The following RALGPS1 variants were observed in gnomAD, a reference collection of about 807,000 sequenced individuals.
The protein encoded by RALGPS1 is ras-specific guanine nucleotide-releasing factor RalGPS1.
Under a neutral mutation model 78.8 loss-of-function variants are expected in RALGPS1, and 19 were observed. That is an observed-to-expected ratio of 0.24 (90% CI 0.17 to 0.35). The LOEUF (loss-of-function observed/expected upper bound fraction) is 0.35, where lower values mean the gene tolerates loss of function less well. Among genes scored for constraint, RALGPS1 ranks in the 10% least tolerant of loss-of-function variants. RALGPS1 has a pLI of 1.00. For synonymous variants in RALGPS1, 228 were observed against 256.3 expected (o/e 0.89, Z 1.06); for missense variants, 454 against 688.3 (o/e 0.66, Z 3.81).
chr9:127,002,716 G>A (rs1345628931), intron 4 of RALGPS1, among the ~76,000 whole-genome samples: 6 of 150,750 alleles, frequency 4.0e-5, no homozygotes, highest in African/African-American at 1.2e-4. Context: ...TTGTTCTTGC[G>A]ATAGTTTACT....
intron 4 of RALGPS1, among the ~76,000 whole-genome samples, chr9:126,983,432 A>T (rs1005259741): frequency 6.6e-6 from 1 of 152,194 alleles, no homozygotes; most frequent in Middle Eastern, 3.2e-3. Flanking sequence ...CAAATGCCTA[A>T]CATCCTATTA....
At chr9:127,125,503 T>C (rs1021448969) in intron 8 of RALGPS1, among the ~76,000 whole-genome samples, 3 of 152,212 alleles carry the variant, frequency 2.0e-5, no homozygotes. Flanking sequence ...CTCCCAGGGT[T>C]ACTGTGAGGA....
At chr9:126,951,977 G>A (rs2037866842) in intron 1 of RALGPS1, among the ~76,000 whole-genome samples, 1 of 152,160 alleles carries the variant, frequency 6.6e-6, no homozygotes. Context: ...CAAAGTCTCA[G>A]GATACAAAAT....
Position 127,214,786 on chromosome 9 carries a change from C to A in RALGPS1, c.1588C>A (p.His530Asn). 1 of 1,610,926 alleles carries A rather than the reference C, an allele frequency of 6.2e-7. No homozygotes were observed. Among genetic ancestry groups the A allele is most frequent in the Non-Finnish European group, 8.5e-7 (1 of 1,178,916 alleles). ...VYKFQTGSRFHAILWHKHLDD... is the reference protein window; with the variant it reads ...VYKFQTGSRFNAILWHKHLDD... ...CAAGTTTCAGACTGGTTCCCGATTT[C>A]ATGCAATACTGTGGCACAAGCATTT... Residue 530 changes from histidine (H) to asparagine (N), a missense_variant, in exon 18 of 19, where the codon CAT becomes AAT. Physicochemically the swap from His to Asn is moderately conservative, Grantham distance 68 (BLOSUM62 1). Transcript: ENST00000259351.
chr9:127,184,178 A>C, intron 11 of RALGPS1: 1 of 889,422 alleles, frequency 1.1e-6, no homozygotes, highest in Non-Finnish European at 1.7e-6. Flanking sequence ...TATATAAATG[A>C]TCTGGGCATG....
At chr9:127,093,948 TA>T (rs1388446715) in intron 8 of RALGPS1, 1 of 1,610,410 alleles carries the variant, frequency 6.2e-7, no homozygotes, top group Admixed American at 1.7e-5. Flanking sequence ...GACATGCATA[TA>T]CATCACAGAC....
At chr9:126,937,868 C>T (rs1451077893) in intron 1 of RALGPS1, among the ~76,000 whole-genome samples, 1 of 152,154 alleles carries the variant, frequency 6.6e-6, no homozygotes, top group Non-Finnish European at 1.5e-5. Context: ...AACTTGGCCT[C>T]AAAAGATAAT....
At chr9:127,197,235 T>C (rs1243743824) in intron 13 of RALGPS1, among the ~76,000 whole-genome samples, 1 of 152,156 alleles carries the variant, frequency 6.6e-6, no homozygotes, top group African/African-American at 2.4e-5. Context: ...GGACTCAGGC[T>C]GGTGTTGAGC....
rs2033940015 is a variant in RALGPS1 at position 126,914,868 on chromosome 9, C to G, written c.-173C>G. 5.3e-5 allele frequency: 8 copies of G among 152,144 alleles called. No individual in the cohort carries two copies. The highest frequency in any genetic ancestry group is 5.2e-4 in the Admixed American group (8 of 15,242). The allele number at this position is 152,144 out of a possible 1,614,324, so 9.4% of individuals were successfully genotyped here. The stretch of plus-strand genomic sequence containing the variant: ...GCGCTCCAGCTGCGCCTGGCCCGGC[C>G]CCGGCCCGGCTCGGCGTGGCCCCGG... On this transcript the variant is annotated 5_prime_UTR_variant, in exon 1 of 19. Coordinates refer to ENST00000259351, the MANE Select transcript of RALGPS1 (RefSeq NM_014636.3).
chr9:127,169,441 A>T (rs1276590299), intron 10 of RALGPS1, among the ~76,000 whole-genome samples: 1 of 152,032 alleles, frequency 6.6e-6, no homozygotes, highest in African/African-American at 2.4e-5. Flanking sequence ...ATTTCTATGT[A>T]TTTGGAGGGA....
intron 1 of RALGPS1, among the ~76,000 whole-genome samples, chr9:126,928,800 C>G (rs1047297886): frequency 6.6e-6 from 1 of 152,120 alleles, no homozygotes; most frequent in African/African-American, 2.4e-5. Flanking sequence ...CAGGGTTTCA[C>G]TGTGTTCGCC....
intron 3 of RALGPS1, among the ~76,000 whole-genome samples, chr9:126,970,769 AC>A (rs1206493070): frequency 5.9e-5 from 9 of 152,312 alleles, no homozygotes; most frequent in African/African-American, 1.9e-4. Context: ...GCTCAGGAAA[AC>A]TAATTTTGCA....
chr9:127,093,998 G>A, intron 8 of RALGPS1: 5 of 1,539,066 alleles, frequency 3.2e-6, no homozygotes, highest in Non-Finnish European at 4.4e-6. Flanking sequence ...TGCACCCCAA[G>A]CAGGCACAAC....
At chr9:127,203,443 T>C (rs898582147) in intron 14 of RALGPS1, among the ~76,000 whole-genome samples, 24 of 152,226 alleles carry the variant, frequency 1.6e-4, no homozygotes, top group African/African-American at 5.8e-4. Flanking sequence ...CTGGTCGGAA[T>C]CACCTGTCTC....
chr9:126,942,912 A>G (rs2036917048), intron 1 of RALGPS1, among the ~76,000 whole-genome samples: 3 of 151,848 alleles, frequency 2.0e-5, no homozygotes, highest in Admixed American at 2.0e-4. Context: ...TTTCTTTTAA[A>G]GTTTATTTCT....
In RALGPS1 at chr9:127,174,061, A is replaced by T. The variant is rs145721202; in HGVS notation, c.843-654A>T. On this transcript the variant is annotated intron_variant, in intron 10 of 18. Coordinates refer to ENST00000259351, the MANE Select transcript of RALGPS1 (RefSeq NM_014636.3). ...CAGATCATAAGGTCAAGAGATTGAGACCATCCTGGCCAACATGGTGGAACC... is the reference window on the plus strand; with the variant it reads ...CAGATCATAAGGTCAAGAGATTGAGTCCATCCTGGCCAACATGGTGGAACC... 7.6e-3 allele frequency among the ~76,000 whole-genome samples: 1,155 copies of T among 151,996 alleles called. 14 individuals carry two copies. The highest frequency in any genetic ancestry group is 0.027 in the African/African-American group (1,119 of 41,442).
chr9:126,970,666 A>C (rs2040022092), intron 3 of RALGPS1, among the ~76,000 whole-genome samples: 1 of 152,156 alleles, frequency 6.6e-6, no homozygotes, highest in Non-Finnish European at 1.5e-5. Flanking sequence ...ATCTCAAGAA[A>C]TAGTGGCTAT....
At chr9:127,203,516 T>G (rs1250728879) in intron 14 of RALGPS1, among the ~76,000 whole-genome samples, 3 of 149,886 alleles carry the variant, frequency 2.0e-5, no homozygotes, top group African/African-American at 4.9e-5. Flanking sequence ...GCGTAGGGGA[T>G]GGGGGGGTCC....
chr9:126,960,385 C>T (rs2132077882), intron 1 of RALGPS1, among the ~76,000 whole-genome samples: 1 of 151,856 alleles, frequency 6.6e-6, no homozygotes, highest in Admixed American at 6.6e-5. Flanking sequence ...AGGCGCCTGC[C>T]ACCACGCCCG....
Sources: allele counts gnomAD v4.1 joint callset (sites outside exome capture counted in the v4.1 genomes callset), GRCh38; gene constraint gnomAD v4.1.1; transcripts MANE v1.5; gene names NCBI Gene and HGNC (gene_info 2026-07-23, HGNC 2026-07-21).